Variants in SLC40A1 observed in about 807,000 individuals in gnomAD.
SLC40A1 encodes ferroportin.
SLC40A1 carries 16 observed loss-of-function variants against 53.5 expected under a neutral mutation model. The observed-to-expected ratio is 0.30, with a 90% CI of 0.20 to 0.45. SLC40A1 has a LOEUF of 0.45. Ranked by LOEUF, SLC40A1 falls within the 20% of genes least tolerant of loss-of-function variation. The probability of loss-of-function intolerance (pLI) is 1.00; values close to 1 mark genes in which losing one functional copy is unlikely to be tolerated. For synonymous variants in SLC40A1, 247 were observed against 253.2 expected, an observed-to-expected ratio of 0.98 and a Z score of 0.23; for missense variants, 545 against 695.4, an observed-to-expected ratio of 0.78 and a Z score of 2.43.
At chr2:189,573,180 T>C (rs771418668) in intron 3 of SLC40A1, among the ~76,000 whole-genome samples, 7 of 152,206 alleles carry the variant, frequency 4.6e-5, no homozygotes, top group Non-Finnish European at 8.8e-5. Flanking sequence ...AATGATGAAG[T>C]ACCACAAGTT....
Position 189,579,868 on chromosome 2 carries a change from T to C in SLC40A1, c.56A>G (p.Asp19Gly), listed in dbSNP as rs1043875318. Residue 19 changes from aspartate to glycine, a missense_variant, in exon 2 of 8, where the codon GAC becomes GGC. Transcript: ENST00000261024. Reference protein sequence around the residue: ...RQRGCCGSLADYLTSAKFLLY... With the variant: ...RQRGCCGSLAGYLTSAKFLLY... ...AAGGAATTTTGCAGAGGTCAGGTAG[T>C]CGGCCAAGGATCCTGCAAAGACACA... The C allele has an allele frequency of 5.6e-6, 9 of 1,614,130 alleles. No individual in the cohort carries two copies. The South Asian group carries it at 7.7e-5, about 14-fold the overall frequency.
At position 189,561,098 on chromosome 2, in the gene SLC40A1, T is replaced by C. The variant is rs1003537811; in HGVS notation, c.*780A>G. 1.3e-5 allele frequency: 2 copies of C among 152,254 alleles called. No individual in the cohort carries two copies. The highest frequency in any genetic ancestry group is 4.8e-5 in the African/African-American group (2 of 41,468). 9.4% of individuals were successfully genotyped at this position (152,254 alleles called of 1,614,324 possible). On this transcript the variant is annotated 3_prime_UTR_variant, in exon 8 of 8. Transcript: ENST00000261024. ...GATAACATGAGTTAAATTGGGATTC[T>C]TGCCCTTCTGTGTGGCTTTTGGCTT... is the stretch of plus-strand genomic sequence containing the variant.
Position 189,565,370 on chromosome 2 carries a change from C to A in SLC40A1, c.744G>T (p.Gln248His), listed in dbSNP as rs11568350. The change falls in exon 6 of 8, where the codon CAG becomes CAT. Residue 248 changes from glutamine to histidine, a missense_variant. By Grantham distance (24) the Gln-to-His change is conservative. Around this residue, in one of 4 missense-constraint regions of SLC40A1, gnomAD observed 107 missense variants for 91.0 expected, o/e 1.18. Coordinates refer to ENST00000261024, the MANE Select transcript of SLC40A1 (RefSeq NM_014585.6). ...TCAGTTTACCTTTGTGTAAATTCAGCTGTTTCAATTCAGTTTCCTCTTCTT... is the reference window on the plus strand; with the variant it reads ...TCAGTTTACCTTTGTGTAAATTCAGATGTTTCAATTCAGTTTCCTCTTCTT... ...GLKEEETELK[Q>H]LNLHKDTEPK... is the part of the protein sequence containing the mutation. 2.7e-3 allele frequency: 4,316 copies of A among 1,614,214 alleles called. 100 individuals are homozygous for A. In the African/African-American group the frequency reaches 0.051, roughly 19 times the overall value.
At chr2:189,571,983 G>T (rs1431841499) in intron 4 of SLC40A1, 142 bp from the exon 5 acceptor site, 2 of 674,132 alleles carry the variant, frequency 3.0e-6, no homozygotes, top group Non-Finnish European at 5.3e-6. Context: ...ATCATTTTAC[G>T]TTATAGATAT....
chr2:189,562,848 G>C (rs578065676), intron 7 of SLC40A1, among the ~76,000 whole-genome samples: 4 of 152,134 alleles, frequency 2.6e-5, no homozygotes, highest in African/African-American at 7.2e-5. Flanking sequence ...ATATTTGCTA[G>C]AGAAGACCTT....
Position 189,563,607 on chromosome 2 carries a change from G to A in SLC40A1, c.1379C>T (p.Ala460Val). The change falls in exon 7 of 8, where the codon GCA (alanine) becomes GTA (valine). Residue 460 changes from alanine to valine, a missense_variant. Coordinates refer to ENST00000261024, the MANE Select transcript of SLC40A1 (RefSeq NM_014585.6). ...ACCGATTCTAGCAGCAATGACGCCT[G>A]CAAACAGCAGACTGACAGAGATTAT... ...VPIISVSLLF[A>V]GVIAARIGLW... The A allele has an allele frequency of 6.2e-7, 1 of 1,614,010 alleles. No homozygotes were observed. The highest frequency in any genetic ancestry group is 8.5e-7 in the Non-Finnish European group (1 of 1,179,966).
chr2:189,568,342 A>T (rs1294417956), intron 5 of SLC40A1, among the ~76,000 whole-genome samples: 1 of 152,198 alleles, frequency 6.6e-6, no homozygotes. Context: ...CAAAAAAATT[A>T]GCCGGGCATG....
intron 2 of SLC40A1, 103 bp from the exon 3 acceptor site, chr2:189,575,423 T>C: frequency 9.3e-7 from 1 of 1,076,938 alleles, no homozygotes; most frequent in East Asian, 2.5e-5. Context: ...CTGGCTACAT[T>C]ATGAGACTTT....
Position 189,561,935 on chromosome 2 carries a change from G to A in SLC40A1, c.1659C>T (p.Cys553=), listed in dbSNP as rs112979454. 9.3e-6 allele frequency: 15 copies of A among 1,614,090 alleles called. No homozygotes were observed. The highest frequency in any genetic ancestry group is 1.3e-5 in the Non-Finnish European group (15 of 1,179,974). Residue 553 remains cysteine, a synonymous_variant, in exon 8 of 8, where the codon TGC becomes TGT. Transcript: ENST00000261024. ...TCCTAACTTCTTTTGCATCAGGACC[G>A]CAAGCAAAGAGCTTGTTTCCCAGAG... The part of the protein sequence containing the change: ...QNTLGNKLFA[C]GPDAKEVRKE...
At chr2:189,580,331 C>T in intron 1 of SLC40A1, 87 bp downstream of exon 1, 1 of 1,300,986 alleles carries the variant, frequency 7.7e-7, no homozygotes, top group Non-Finnish European at 1.1e-6. Context: ...ACAGCAGAGC[C>T]ACATTCCTCC....
chr2:189,572,756 C>CAAA, intron 4 of SLC40A1, 90 bp downstream of exon 4: 11 of 768,454 alleles, frequency 1.4e-5, no homozygotes, highest in Non-Finnish European at 2.3e-5. Context: ...TCACACTGGC[C>CAAA]AAAAAAAAAA....
intron 5 of SLC40A1, among the ~76,000 whole-genome samples, chr2:189,570,045 C>CACACCTATATATGTATGTATATATACAT (rs1240731829): frequency 1.5e-5 from 2 of 132,286 alleles, no homozygotes; most frequent in African/African-American, 5.8e-5. Context: ...TATATATATA[C>CACACCTATATATGTATGTATATATACAT]ACACACCTAT....
rs1431062650 is a variant in SLC40A1, at chr2:189,575,333, G to A, written c.112-13C>T. 4 of 1,613,854 alleles carry A rather than the reference G, an allele frequency of 2.5e-6. No individual in the cohort carries two copies. In the African/African-American group the frequency reaches 5.3e-5, roughly 22 times the overall value. The stretch of plus-strand genomic sequence containing the variant: ...ACATCCGATCTCCCTTAAATGAAAA[G>A]AGAAAATGTTTTGATGGAATATTTT... On this transcript the variant is annotated splice_polypyrimidine_tract_variant and intron_variant, in intron 2 of 7. Coordinates refer to ENST00000261024, the MANE Select transcript of SLC40A1 (RefSeq NM_014585.6).
At chr2:189,570,165 GCTAA>G (rs926317699) in intron 5 of SLC40A1, among the ~76,000 whole-genome samples, 18 of 151,158 alleles carry the variant, frequency 1.2e-4, no homozygotes, top group African/African-American at 3.9e-4. Context: ...AAAGATTCTG[GCTAA>G]CTTTCTTTTT....
chr2:189,574,484 A>T (rs1435050849), intron 3 of SLC40A1, among the ~76,000 whole-genome samples: 1 of 152,228 alleles, frequency 6.6e-6, no homozygotes, highest in African/African-American at 2.4e-5. Flanking sequence ...AGGCATGGTC[A>T]GGTCTTGGCA....
intron 7 of SLC40A1, among the ~76,000 whole-genome samples, chr2:189,563,315 G>A (rs532235703): frequency 1.4e-3 from 214 of 148,142 alleles, no homozygotes; most frequent in Middle Eastern, 3.6e-3. Context: ...TAATATTTAA[G>A]ATATTCATTT....
At position 189,570,002 on chromosome 2, in the gene SLC40A1, G is replaced by GTA. The variant is rs35375140; in HGVS notation, c.514+1711_514+1712dup. ...TATATATACACACCTATATATGTAT[G>GTA]TATATATATATACACACCTATATAT... is the stretch of plus-strand genomic sequence containing the variant. On this transcript the variant is annotated intron_variant, in intron 5 of 7. Transcript: ENST00000261024. Among the ~76,000 whole-genome samples the GTA allele has an allele frequency of 9.2e-3, 1,207 of 130,832 alleles. 8 individuals carry two copies. Among genetic ancestry groups the GTA allele is most frequent in the South Asian group, 0.019 (78 of 4,160 alleles). 85.8% of individuals were successfully genotyped at this position (130,832 alleles called of 152,430 possible).
chr2:189,575,731 C>G (rs1390946538), intron 2 of SLC40A1, among the ~76,000 whole-genome samples: 2 of 152,166 alleles, frequency 1.3e-5, no homozygotes, highest in Admixed American at 6.5e-5. Context: ...AATTACAGTA[C>G]AGTTCACAAA....
chr2:189,571,691 C>A (rs933381130), intron 5 of SLC40A1, 24 bp downstream of exon 5: 3 of 1,611,334 alleles, frequency 1.9e-6, no homozygotes, highest in Non-Finnish European at 1.7e-6. Context: ...ATGCTCATTT[C>A]ATTAAAAGAG....
Sources: gnomAD v4.1 joint callset for allele counts (sites outside exome capture counted in the v4.1 genomes callset) on GRCh38, gnomAD v4.1.1 for gene constraint, gnomAD v4.1.1 regional missense constraint, MANE v1.5 for transcripts, NCBI Gene and HGNC (gene_info 2026-07-23, HGNC 2026-07-21) for gene names.